Variants in RAB30 observed in about 807,000 individuals in gnomAD.
The protein encoded by RAB30 is ras-related protein Rab-30.
Under a neutral mutation model 25.1 loss-of-function variants are expected in RAB30, and 9 were observed. That is an observed-to-expected ratio of 0.36 (90% CI 0.22 to 0.63). The LOEUF is 0.63. RAB30 is among the 20% of genes least tolerant of loss of function. The pLI, the probability that RAB30 is intolerant of heterozygous loss-of-function variation, is 0.69. For missense variants in RAB30, 140 were observed against 243.5 expected, an observed-to-expected ratio of 0.58 and a Z score of 2.83; for synonymous variants, 77 against 86.4, an observed-to-expected ratio of 0.89 and a Z score of 0.60.
chr11:83,032,465 A>G lies in RAB30; in HGVS notation c.-8-35141T>C, dbSNP rs576440867. Among the ~76,000 whole-genome samples the G allele has an allele frequency of 3.3e-5, 5 of 152,316 alleles. No homozygotes were observed. In the South Asian group the frequency reaches 1.0e-3, roughly 32 times the overall value. Reference sequence around the variant, plus strand: ...GCTTCTAGGATACAAATAATGTTCCATCTGATAAATTGGATGGCAAATTCA... The same window carrying G: ...GCTTCTAGGATACAAATAATGTTCCGTCTGATAAATTGGATGGCAAATTCA... On this transcript the variant is annotated intron_variant, in intron 1 of 4. Transcript: ENST00000527633.
At chr11:83,030,701 G>A (rs925097895) in intron 1 of RAB30, among the ~76,000 whole-genome samples, 1 of 151,898 alleles carries the variant, frequency 6.6e-6, no homozygotes, top group Admixed American at 6.6e-5. Flanking sequence ...GGAGGCTGAG[G>A]CAGGAGAATT....
chr11:82,994,145 G>C, intron 2 of RAB30, 23 bp from the exon 3 acceptor site: 1 of 1,552,842 alleles, frequency 6.4e-7, no homozygotes, highest in South Asian at 1.1e-5. Context: ...TAATAGAAAA[G>C]AACAGCTAAG....
At chr11:82,998,848 G>A (rs1857015930) in intron 1 of RAB30, among the ~76,000 whole-genome samples, 2 of 152,152 alleles carry the variant, frequency 1.3e-5, no homozygotes, top group Non-Finnish European at 2.9e-5. Flanking sequence ...TGAGGGGAAG[G>A]GTGCTGGGAG....
intron 1 of RAB30, among the ~76,000 whole-genome samples, chr11:83,014,836 A>G (rs914370575): frequency 1.3e-4 from 20 of 149,044 alleles, no homozygotes; most frequent in African/African-American, 4.9e-4. Flanking sequence ...GAGAAGGGAA[A>G]GGAAAGGAAA....
At chr11:83,007,997 T>G (rs1857221921) in intron 1 of RAB30, among the ~76,000 whole-genome samples, 1 of 152,262 alleles carries the variant, frequency 6.6e-6, no homozygotes, top group Admixed American at 6.5e-5. Context: ...CAAAGAGCTC[T>G]GGGCTTTGCC....
intron 2 of RAB30, among the ~76,000 whole-genome samples, chr11:82,995,252 CTG>C (rs1856935232): frequency 6.6e-6 from 1 of 152,142 alleles, no homozygotes; most frequent in Non-Finnish European, 1.5e-5. Flanking sequence ...GCTTAAAAGA[CTG>C]AACTTCAAAC....
At chr11:83,041,853 C>T (rs1858124439) in intron 1 of RAB30, among the ~76,000 whole-genome samples, 1 of 151,630 alleles carries the variant, frequency 6.6e-6, no homozygotes. Context: ...ACCAGCCTGG[C>T]CAACATGGTG....
intron 1 of RAB30, among the ~76,000 whole-genome samples, chr11:83,004,017 G>A (rs1857139349): frequency 6.6e-6 from 1 of 152,126 alleles, no homozygotes; most frequent in Non-Finnish European, 1.5e-5. Flanking sequence ...CAATCTTGGA[G>A]GTTTAAAATG....
chr11:83,038,473 C>T (rs548650858), intron 1 of RAB30, among the ~76,000 whole-genome samples: 5 of 152,252 alleles, frequency 3.3e-5, no homozygotes, highest in Non-Finnish European at 7.4e-5. Context: ...GCAATGCCTA[C>T]CTCAAGATGT....
At chr11:83,016,292 A>G (rs1213048141) in intron 1 of RAB30, among the ~76,000 whole-genome samples, 3 of 152,212 alleles carry the variant, frequency 2.0e-5, no homozygotes, top group Non-Finnish European at 4.4e-5. Context: ...GACCAAAACT[A>G]TGGACAACTT....
intron 1 of RAB30, among the ~76,000 whole-genome samples, chr11:83,061,717 T>TC (rs1223828704): frequency 2.2e-4 from 32 of 143,982 alleles, no homozygotes; most frequent in African/African-American, 6.9e-4. Context: ...TTTCTTTTTT[T>TC]TTTTTTTTTT....
At chr11:83,061,710 C>CTTTTCT (rs1555041228) in intron 1 of RAB30, among the ~76,000 whole-genome samples, 1 of 79,908 alleles carries the variant, frequency 1.3e-5, no homozygotes. Context: ...TCTTTCTTTT[C>CTTTTCT]TTTTTTTTTT....
intron 1 of RAB30, among the ~76,000 whole-genome samples, chr11:83,053,213 C>T (rs929228075): frequency 6.6e-6 from 1 of 152,150 alleles, no homozygotes; most frequent in African/African-American, 2.4e-5. Flanking sequence ...GTTTAGTCTC[C>T]TTCCAGCTGT....
At chr11:83,018,599 G>A (rs759193061) in intron 1 of RAB30, among the ~76,000 whole-genome samples, 12 of 152,136 alleles carry the variant, frequency 7.9e-5, no homozygotes, top group South Asian at 2.1e-4. Flanking sequence ...TTAGTCCTTT[G>A]TCAGATGCAT....
intron 1 of RAB30, among the ~76,000 whole-genome samples, chr11:82,998,741 C>T (rs76763611): frequency 0.016 from 2,437 of 151,086 alleles, 64 homozygotes; most frequent in African/African-American, 0.056. Context: ...TAACAATTTG[C>T]GCCAACAGTG....
At chr11:83,000,152 A>T (rs1428313458) in intron 1 of RAB30, among the ~76,000 whole-genome samples, 1 of 152,208 alleles carries the variant, frequency 6.6e-6, no homozygotes, top group East Asian at 1.9e-4. Flanking sequence ...AAGCAGTCGT[A>T]AGGTCCCACA....
At chr11:83,071,033 A>G (rs899432569) in intron 1 of RAB30, among the ~76,000 whole-genome samples, 24 of 152,376 alleles carry the variant, frequency 1.6e-4, no homozygotes, top group African/African-American at 5.8e-4. Context: ...AACGGAAAAC[A>G]TTTAACAAAA....
At chr11:83,012,065 A>G (rs2121494767) in intron 1 of RAB30, among the ~76,000 whole-genome samples, 1 of 152,220 alleles carries the variant, frequency 6.6e-6, no homozygotes. Flanking sequence ...TGCTTTTCAA[A>G]CAAAAGAGTC....
chr11:82,989,127 G>T (rs1276408723), intron 3 of RAB30, among the ~76,000 whole-genome samples: 1 of 152,104 alleles, frequency 6.6e-6, no homozygotes, highest in Non-Finnish European at 1.5e-5. Flanking sequence ...ACAATCCAGT[G>T]AGGTAGGCAA....
Sources: allele counts gnomAD v4.1 joint callset (sites outside exome capture counted in the v4.1 genomes callset), GRCh38; gene constraint gnomAD v4.1.1; transcripts MANE v1.5; gene names NCBI Gene and HGNC (gene_info 2026-07-23, HGNC 2026-07-21).